EPB41L5: variants seen among roughly 807,000 people sequenced by gnomAD.
EPB41L5 encodes band 4.1-like protein 5.
A neutral mutation model predicts 106.6 loss-of-function variants in EPB41L5; 55 were observed. The observed-to-expected ratio is 0.52, with a 90% CI of 0.42 to 0.65. The LOEUF is 0.65. Ranked by LOEUF, EPB41L5 falls within the 30% of genes least tolerant of loss-of-function variation. The pLI is 0.00. For missense variants in EPB41L5, 871 were observed against 882.1 expected (o/e 0.99, Z 0.16); for synonymous variants, 297 against 306.7 (o/e 0.97, Z 0.33).
rs777614012 is a variant in EPB41L5 at position 120,178,340 on chromosome 2, C to T, written c.*3433C>T. 1.1e-4 allele frequency: 16 copies of T among 152,174 alleles called. No individual in the cohort carries two copies. Among genetic ancestry groups the T allele is most frequent in the South Asian group, 2.1e-4 (1 of 4,836 alleles). The allele number at this position is 152,174 out of a possible 1,614,324, so 9.4% of individuals were successfully genotyped here. On this transcript the variant is annotated 3_prime_UTR_variant, in exon 25 of 25. Transcript: ENST00000263713. Reference sequence around the variant, plus strand: ...CTTATTCACACATGTGGCAGCTGAACGAGGTGCTGTTGTGGGTGTCTCAGC... The same window carrying T: ...CTTATTCACACATGTGGCAGCTGAATGAGGTGCTGTTGTGGGTGTCTCAGC...
intron 16 of EPB41L5, chr2:120,104,676 T>A (rs1455136727): frequency 4.1e-6 from 4 of 984,964 alleles, no homozygotes; most frequent in African/African-American, 1.7e-5. Flanking sequence ...CCTTTTGAGA[T>A]ATTTATTAAA....
intron 3 of EPB41L5, among the ~76,000 whole-genome samples, chr2:120,054,946 G>A (rs1680543955): frequency 6.9e-6 from 1 of 145,032 alleles, no homozygotes; most frequent in African/African-American, 2.6e-5. Context: ...GGCCCACCAC[G>A]ACCTCTGCCT....
At chr2:120,158,690 GC>G (rs1188157365) in intron 20 of EPB41L5, among the ~76,000 whole-genome samples, 1 of 152,190 alleles carries the variant, frequency 6.6e-6, no homozygotes, top group East Asian at 1.9e-4. Flanking sequence ...AGACAAGGAT[GC>G]CCTCTCTCAC....
At chr2:120,030,429 C>T (rs1678627605) in intron 2 of EPB41L5, among the ~76,000 whole-genome samples, 1 of 152,200 alleles carries the variant, frequency 6.6e-6, no homozygotes, top group Non-Finnish European at 1.5e-5. Flanking sequence ...TAATCTGGCT[C>T]AACCAGTTCT....
At chr2:120,074,480 C>A (rs887939777) in intron 5 of EPB41L5, 4 of 219,312 alleles carry the variant, frequency 1.8e-5, no homozygotes, top group Non-Finnish European at 3.5e-5. Context: ...CAATACATTG[C>A]AATATTATAT....
intron 16 of EPB41L5, among the ~76,000 whole-genome samples, chr2:120,114,503 C>T (rs1281889230): frequency 6.6e-6 from 1 of 152,090 alleles, no homozygotes; most frequent in Non-Finnish European, 1.5e-5. Flanking sequence ...CTATAATGCT[C>T]TGTAGGTTTG....
intron 2 of EPB41L5, among the ~76,000 whole-genome samples, 180 bp downstream of exon 2, chr2:120,019,444 G>T (rs1409476843): frequency 6.6e-6 from 1 of 152,170 alleles, no homozygotes; most frequent in Non-Finnish European, 1.5e-5. Flanking sequence ...AAAAGTACTT[G>T]GATTGGTGGT....
intron 18 of EPB41L5, among the ~76,000 whole-genome samples, chr2:120,140,460 TAAG>T (rs1686122802): frequency 6.6e-6 from 1 of 151,948 alleles, no homozygotes; most frequent in African/African-American, 2.4e-5. Context: ...AAAGATTTTT[TAAG>T]AAAAGAAGGA....
chr2:120,101,826 T>C (rs899747917), intron 16 of EPB41L5, among the ~76,000 whole-genome samples: 5 of 152,222 alleles, frequency 3.3e-5, no homozygotes, highest in African/African-American at 9.6e-5. Flanking sequence ...GATTAGTTTA[T>C]AAGATTGAGT....
At position 120,119,295 on chromosome 2, in the gene EPB41L5, G is replaced by GT. The variant is rs201770980; in HGVS notation, c.1338-8384dup. Among the ~76,000 whole-genome samples, 56 of 151,252 alleles carry GT rather than the reference G, an allele frequency of 3.7e-4. 1 individual carries two copies. In the South Asian group the frequency reaches 5.8e-3, roughly 16 times the overall value. On this transcript the variant is annotated intron_variant, in intron 16 of 24. Coordinates refer to ENST00000263713, the MANE Select transcript of EPB41L5 (RefSeq NM_020909.4). ...AAGTTGTCTGTTCATTCTGCTGACA[G>GT]TTTTTTTTTGTTTGTCTTTGTTTTT...
chr2:120,126,498 A>C (rs1437507587), intron 16 of EPB41L5, among the ~76,000 whole-genome samples: 1 of 152,232 alleles, frequency 6.6e-6, no homozygotes, highest in Non-Finnish European at 1.5e-5. Flanking sequence ...GGTAGGGTCT[A>C]AATGAATATT....
At chr2:120,110,626 C>A (rs1438996284) in intron 16 of EPB41L5, among the ~76,000 whole-genome samples, 1 of 151,326 alleles carries the variant, frequency 6.6e-6, no homozygotes, top group Non-Finnish European at 1.5e-5. Flanking sequence ...TCCTGCCCTA[C>A]CTTCCCCTAT....
chr2:120,079,400 C>G (rs1221912436), intron 10 of EPB41L5, among the ~76,000 whole-genome samples: 1 of 152,174 alleles, frequency 6.6e-6, no homozygotes, highest in Non-Finnish European at 1.5e-5. Flanking sequence ...TCTGAATTCT[C>G]TGACTCAGAT....
At chr2:120,022,793 C>A (rs10183236) in intron 2 of EPB41L5, among the ~76,000 whole-genome samples, 1,577 of 152,272 alleles carry the variant, frequency 0.01, 24 homozygotes, top group African/African-American at 0.036. Context: ...ATTTACACTC[C>A]CACTAACAGT....
intron 2 of EPB41L5, among the ~76,000 whole-genome samples, chr2:120,036,291 G>T (rs1679034329): frequency 6.6e-6 from 1 of 152,130 alleles, no homozygotes; most frequent in African/African-American, 2.4e-5. Context: ...GACAAAGAAT[G>T]AATTATTAAC....
At position 120,077,247 on chromosome 2, in the gene EPB41L5, G is replaced by A. The variant is rs141272714; in HGVS notation, c.645G>A (p.Gln215=). The A allele has an allele frequency of 1.9e-6, 3 of 1,611,090 alleles. No homozygotes were observed. The Admixed American group carries it at 5.0e-5, about 27-fold the overall frequency. The change falls in exon 9 of 25, where the codon CAG becomes CAA. Residue 215 remains glutamine, a synonymous_variant. Coordinates refer to ENST00000263713, the MANE Select transcript of EPB41L5 (RefSeq NM_020909.4). Reference sequence around the variant, plus strand: ...ATTTCAGAGGTCAAACACCAGCACAGGCTGAAACCAATTATCTGAATAAAG... The same window carrying A: ...ATTTCAGAGGTCAAACACCAGCACAAGCTGAAACCAATTATCTGAATAAAG... ...WKEYRGQTPA[Q]AETNYLNKAK...
chr2:120,050,987 G>A (rs1680221270), intron 3 of EPB41L5, among the ~76,000 whole-genome samples: 1 of 152,212 alleles, frequency 6.6e-6, no homozygotes, highest in Non-Finnish European at 1.5e-5. Flanking sequence ...TTGCTGAACA[G>A]CAAATGTTGC....
At chr2:120,045,167 T>C (rs1331913853) in intron 3 of EPB41L5, among the ~76,000 whole-genome samples, 1 of 152,192 alleles carries the variant, frequency 6.6e-6, no homozygotes, top group East Asian at 1.9e-4. Flanking sequence ...AGTTTATTGG[T>C]CACTATAGAT....
rs771322852 is a variant in EPB41L5 at position 120,100,682 on chromosome 2, A to G, written c.1222-17A>G. The G allele has an allele frequency of 1.3e-6, 2 of 1,590,274 alleles. No homozygotes were observed. The highest frequency in any genetic ancestry group is 3.4e-5 in the Admixed American group (2 of 59,630). The stretch of plus-strand genomic sequence containing the variant: ...TATCGAGGCAAAATAGATAATTTTT[A>G]TAATTTTTGTCCAAAGGCTTGGGGG... On this transcript the variant is annotated splice_polypyrimidine_tract_variant and intron_variant, in intron 15 of 24. Coordinates refer to ENST00000263713, the MANE Select transcript of EPB41L5 (RefSeq NM_020909.4).
Sources: allele counts gnomAD v4.1 joint callset (sites outside exome capture counted in the v4.1 genomes callset), GRCh38; gene constraint gnomAD v4.1.1; transcripts MANE v1.5; gene names NCBI Gene and HGNC (gene_info 2026-07-23, HGNC 2026-07-21).